Variants in SPOCK1 observed in about 807,000 individuals in gnomAD.
SPOCK1 encodes the protein testican-1.
Under a neutral mutation model 55.3 loss-of-function variants are expected in SPOCK1, and 23 were observed. The ratio of observed to expected loss-of-function variants is 0.42; its 90% CI spans 0.30 to 0.59. The LOEUF (loss-of-function observed/expected upper bound fraction) is 0.59. Ranked by LOEUF, SPOCK1 falls within the 20% of genes least tolerant of loss-of-function variation. SPOCK1 has a pLI of 0.22. For synonymous variants in SPOCK1, 226 were observed against 221.0 expected (o/e 1.02, Z -0.20); for missense variants, 499 against 552.5 (o/e 0.90, Z 0.97).
At chr5:137,386,546 C>T (rs1342042290) in intron 2 of SPOCK1, among the ~76,000 whole-genome samples, 5 of 152,116 alleles carry the variant, frequency 3.3e-5, no homozygotes, top group Admixed American at 2.6e-4. Context: ...TGATCTTTGA[C>T]AGGGAAGCAA....
At chr5:137,492,368 C>A (rs1424216584) in intron 2 of SPOCK1, among the ~76,000 whole-genome samples, 1 of 152,174 alleles carries the variant, frequency 6.6e-6, no homozygotes, top group East Asian at 1.9e-4. Context: ...TGCCATGAGC[C>A]ACTACATGGA....
chr5:137,184,930 C>T (rs893401347), intron 3 of SPOCK1, among the ~76,000 whole-genome samples: 18 of 152,146 alleles, frequency 1.2e-4, no homozygotes, highest in Non-Finnish European at 2.9e-5. Context: ...CTCAGAGATG[C>T]CACTCCTCAC....
intron 6 of SPOCK1, among the ~76,000 whole-genome samples, chr5:137,040,013 T>C (rs1751964981): frequency 6.6e-6 from 1 of 152,190 alleles, no homozygotes. Flanking sequence ...CCAGGAGAGC[T>C]TCTCTGAAGG....
intron 2 of SPOCK1, among the ~76,000 whole-genome samples, chr5:137,301,692 C>T (rs887784283): frequency 8.4e-5 from 11 of 130,446 alleles, no homozygotes; most frequent in Admixed American, 9.2e-5. Context: ...CTACTCAGGG[C>T]GCAGAAGGAA....
chr5:137,127,969 G>A (rs1753807665), intron 4 of SPOCK1, among the ~76,000 whole-genome samples: 1 of 152,198 alleles, frequency 6.6e-6, no homozygotes, highest in African/African-American at 2.4e-5. Context: ...GGCGTCAGAG[G>A]AAGAATGCTA....
At chr5:137,201,901 A>G (rs1755433282) in intron 3 of SPOCK1, among the ~76,000 whole-genome samples, 3 of 152,228 alleles carry the variant, frequency 2.0e-5, no homozygotes. Context: ...AACAAAACCC[A>G]TGAGACTTAA....
rs1233634688 is a variant in SPOCK1 at position 137,414,037 on chromosome 5, T to G, written c.186+84336A>C. ...TATTGGTTCAAGAAAATATCATCTA[T>G]AGACAAACCGTGATTGGTAAATGAT... is the stretch of plus-strand genomic sequence containing the variant. On this transcript the variant is annotated intron_variant, in intron 2 of 10. Transcript: ENST00000394945. Among the ~76,000 whole-genome samples, 3 of 152,284 alleles carry G rather than the reference T, an allele frequency of 2.0e-5. No individual in the cohort carries two copies. In the East Asian group the frequency reaches 5.8e-4, roughly 29 times the overall value.
At position 137,140,658 on chromosome 5, in the gene SPOCK1, T is replaced by C; in HGVS notation, c.269A>G (p.Lys90Arg). The change falls in exon 4 of 11, where the codon AAA becomes AGA. Residue 90 changes from lysine (K) to arginine (R), a missense_variant. Physicochemically the swap from Lys to Arg is conservative, Grantham distance 26. Coordinates refer to ENST00000394945, the MANE Select transcript of SPOCK1 (RefSeq NM_004598.4). ...CACACACACTTTGTGAGGGCTGCAT[T>C]TTACCTTCAGGCAGGGGTCCTTGGA... ...DPSKDPCLKV[K>R]CSPHKVCVTQ... The C allele has an allele frequency of 1.2e-6, 2 of 1,613,848 alleles. No homozygotes were observed. Among genetic ancestry groups the C allele is most frequent in the South Asian group, 1.1e-5 (1 of 90,970 alleles).
intron 5 of SPOCK1, among the ~76,000 whole-genome samples, chr5:137,105,591 G>A (rs1753348199): frequency 6.6e-6 from 1 of 152,122 alleles, no homozygotes; most frequent in African/African-American, 2.4e-5. Context: ...GACTCTACTT[G>A]CCAAGAACTT....
At chr5:137,210,488 G>C (rs1042237764) in intron 3 of SPOCK1, among the ~76,000 whole-genome samples, 1 of 152,192 alleles carries the variant, frequency 6.6e-6, no homozygotes, top group Non-Finnish European at 1.5e-5. Context: ...TTTTATTTCA[G>C]AGTCATTTCA....
chr5:137,406,242 G>A (rs1752095721), intron 2 of SPOCK1, among the ~76,000 whole-genome samples: 1 of 152,192 alleles, frequency 6.6e-6, no homozygotes, highest in East Asian at 1.9e-4. Flanking sequence ...AGTGGTGTCA[G>A]CCCCTAGTGC....
intron 3 of SPOCK1, among the ~76,000 whole-genome samples, chr5:137,223,884 A>T (rs1755902244): frequency 6.6e-6 from 1 of 152,216 alleles, no homozygotes; most frequent in Non-Finnish European, 1.5e-5. Flanking sequence ...TACAAAATAA[A>T]GTTTATGAAA....
rs529932675 is a variant in SPOCK1 at position 137,447,860 on chromosome 5, G to A, written c.186+50513C>T. On this transcript the variant is annotated intron_variant, in intron 2 of 10. Coordinates refer to ENST00000394945, the MANE Select transcript of SPOCK1 (RefSeq NM_004598.4). ...AACCTCGAGGTAGGTGATATAATCC[G>A]GCTATATTCAAAAGCCCAGGGGCTT... Among the ~76,000 whole-genome samples, 85 of 152,238 alleles carry A rather than the reference G, an allele frequency of 5.6e-4. 1 individual carries two copies. Among genetic ancestry groups the A allele is most frequent in the African/African-American group, 1.9e-3 (80 of 41,534 alleles).
At position 137,424,150 on chromosome 5, in the gene SPOCK1, C is replaced by A. The variant is rs527910133; in HGVS notation, c.186+74223G>T. ...ATCTCAGTCTTTTGGGAGGCCAAGGCAGGAGGATTGCTTTAAGTGAAGGAG... is the reference window on the plus strand; with the variant it reads ...ATCTCAGTCTTTTGGGAGGCCAAGGAAGGAGGATTGCTTTAAGTGAAGGAG... On this transcript the variant is annotated intron_variant, in intron 2 of 10. Coordinates refer to ENST00000394945, the MANE Select transcript of SPOCK1 (RefSeq NM_004598.4). Among the ~76,000 whole-genome samples the A allele has an allele frequency of 5.3e-5, 8 of 152,080 alleles. No homozygotes were observed. The East Asian group carries it at 1.4e-3, about 26-fold the overall frequency.
At chr5:137,198,888 T>G (rs1451185190) in intron 3 of SPOCK1, among the ~76,000 whole-genome samples, 6 of 152,226 alleles carry the variant, frequency 3.9e-5, no homozygotes, top group African/African-American at 1.4e-4. Context: ...ACTGAATAAA[T>G]GTATTTTGGT....
At chr5:137,322,202 C>G (rs1225562827) in intron 2 of SPOCK1, among the ~76,000 whole-genome samples, 1 of 151,764 alleles carries the variant, frequency 6.6e-6, no homozygotes, top group Admixed American at 6.6e-5. Context: ...CATGTTGGCA[C>G]AAAACCTGTA....
chr5:137,428,270 G>A (rs1262883631), intron 2 of SPOCK1, among the ~76,000 whole-genome samples: 2 of 152,156 alleles, frequency 1.3e-5, no homozygotes, highest in African/African-American at 4.8e-5. Context: ...ATACAACAAA[G>A]AACCTTCATT....
chr5:137,378,095 C>A (rs1451349969), intron 2 of SPOCK1, among the ~76,000 whole-genome samples: 2 of 152,104 alleles, frequency 1.3e-5, no homozygotes, highest in South Asian at 4.1e-4. Flanking sequence ...CAGGCATGCA[C>A]CACCACATCC....
intron 5 of SPOCK1, among the ~76,000 whole-genome samples, chr5:137,087,864 A>C (rs923561783): frequency 9.1e-5 from 5 of 54,998 alleles, no homozygotes; most frequent in Non-Finnish European, 2.3e-4. Context: ...AAACCAAGGG[A>C]AACACAGGGG....
Sources: allele counts gnomAD v4.1 joint callset (sites outside exome capture counted in the v4.1 genomes callset), GRCh38; gene constraint gnomAD v4.1.1; transcripts MANE v1.5; gene names NCBI Gene and HGNC (gene_info 2026-07-23, HGNC 2026-07-21).